The following ATRNL1 variants were observed in gnomAD, a reference collection of about 807,000 sequenced individuals.
ATRNL1 encodes attractin-like protein 1.
In ATRNL1, 95 loss-of-function variants were observed where a neutral mutation model predicts 182.7. That is an observed-to-expected ratio of 0.52 (90% confidence interval 0.44 to 0.62). The LOEUF is 0.62. Ranked by LOEUF, ATRNL1 falls within the 20% of genes least tolerant of loss-of-function variation. ATRNL1 has a pLI of 0.00. For missense variants in ATRNL1, 1,471 were observed against 1,679.5 expected (o/e 0.88, Z 2.17); for synonymous variants, 576 against 568.3 (o/e 1.01, Z -0.19).
At chr10:115,626,797 GTTGA>G (rs1330552996) in intron 26 of ATRNL1, among the ~76,000 whole-genome samples, 2 of 152,060 alleles carry the variant, frequency 1.3e-5, no homozygotes, top group Non-Finnish European at 2.9e-5. Context: ...TTGTATTATT[GTTGA>G]TTTACATATG....
At chr10:115,096,159 T>C (rs1416966046) in intron 1 of ATRNL1, among the ~76,000 whole-genome samples, 1 of 152,218 alleles carries the variant, frequency 6.6e-6, no homozygotes, top group East Asian at 1.9e-4. Context: ...CCTGAGCTAA[T>C]CACTGAGTAT....
chr10:115,378,194 C>G (rs1415374129), intron 19 of ATRNL1, among the ~76,000 whole-genome samples: 2 of 152,170 alleles, frequency 1.3e-5, no homozygotes, highest in Admixed American at 6.5e-5. Flanking sequence ...TACACCTGCT[C>G]TCAGATTGTA....
intron 28 of ATRNL1, among the ~76,000 whole-genome samples, chr10:115,933,062 T>C (rs1555122035): frequency 2.6e-5 from 4 of 152,236 alleles, no homozygotes; most frequent in Admixed American, 2.6e-4. Context: ...AGAACTCATA[T>C]GAAAGGTGAA....
chr10:115,656,904 CCTT>C (rs1435311166), intron 26 of ATRNL1, among the ~76,000 whole-genome samples: 1 of 152,100 alleles, frequency 6.6e-6, no homozygotes, highest in African/African-American at 2.4e-5. Context: ...TTTAATTACT[CCTT>C]CTTAAATATA....
At chr10:115,738,367 C>A (rs1219010042) in intron 27 of ATRNL1, among the ~76,000 whole-genome samples, 1 of 151,480 alleles carries the variant, frequency 6.6e-6, no homozygotes, top group Non-Finnish European at 1.5e-5. Flanking sequence ...CTTGAACTCC[C>A]GACCTCAGGT....
At chr10:115,369,747 G>A (rs572552170) in intron 19 of ATRNL1, among the ~76,000 whole-genome samples, 3 of 152,080 alleles carry the variant, frequency 2.0e-5, no homozygotes, top group Non-Finnish European at 4.4e-5. Context: ...GTTATCTTTT[G>A]TCTTCCTGAT....
intron 26 of ATRNL1, among the ~76,000 whole-genome samples, chr10:115,722,261 G>GA (rs35923782): frequency 3.4e-4 from 51 of 149,862 alleles, no homozygotes; most frequent in African/African-American, 1.1e-3. Flanking sequence ...TAAAAGCCTA[G>GA]AAAAAAAAAT....
intron 26 of ATRNL1, among the ~76,000 whole-genome samples, chr10:115,670,504 A>G (rs1555041051): frequency 6.6e-6 from 1 of 152,134 alleles, no homozygotes; most frequent in Non-Finnish European, 1.5e-5. Context: ...TGGGACTTTA[A>G]TAATAACTTG....
intron 26 of ATRNL1, among the ~76,000 whole-genome samples, chr10:115,654,938 G>A (rs1860241860): frequency 6.6e-6 from 1 of 152,142 alleles, no homozygotes; most frequent in African/African-American, 2.4e-5. Context: ...GTCTCTTAGA[G>A]CACTTGCTCT....
At chr10:115,762,575 T>C (rs1237964012) in intron 27 of ATRNL1, among the ~76,000 whole-genome samples, 2 of 152,134 alleles carry the variant, frequency 1.3e-5, no homozygotes, top group Non-Finnish European at 2.9e-5. Context: ...AACTGAAATC[T>C]GCCATGTAAT....
chr10:115,707,601 A>C (rs1376781225), intron 26 of ATRNL1, among the ~76,000 whole-genome samples: 2 of 151,658 alleles, frequency 1.3e-5, no homozygotes, highest in Non-Finnish European at 3.0e-5. Context: ...GCATTTACCT[A>C]TACATATATA....
intron 25 of ATRNL1, among the ~76,000 whole-genome samples, chr10:115,541,373 A>C (rs1852350939): frequency 6.6e-6 from 1 of 152,200 alleles, no homozygotes; most frequent in South Asian, 2.1e-4. Context: ...TTATATACCT[A>C]CTACAGTGGA....
At chr10:115,892,601 A>G (rs1952106976) in intron 28 of ATRNL1, among the ~76,000 whole-genome samples, 1 of 152,200 alleles carries the variant, frequency 6.6e-6, no homozygotes, top group Non-Finnish European at 1.5e-5. Flanking sequence ...ATATAATTTA[A>G]ACTCTACTGT....
intron 26 of ATRNL1, among the ~76,000 whole-genome samples, chr10:115,641,758 T>A (rs1412960974): frequency 6.6e-6 from 1 of 152,044 alleles, no homozygotes; most frequent in Non-Finnish European, 1.5e-5. Context: ...AGATAAGAAA[T>A]GTATTTATTA....
chr10:115,629,234 T>C (rs1462679253), intron 26 of ATRNL1, among the ~76,000 whole-genome samples: 1 of 152,178 alleles, frequency 6.6e-6, no homozygotes, highest in African/African-American at 2.4e-5. Flanking sequence ...TATGATACTG[T>C]CTTTACTCTC....
chr10:115,123,851 C>T (rs914770170), intron 3 of ATRNL1, among the ~76,000 whole-genome samples: 1 of 151,860 alleles, frequency 6.6e-6, no homozygotes, highest in Non-Finnish European at 1.5e-5. Context: ...AGTACAGACC[C>T]TACTGTGAAC....
intron 21 of ATRNL1, among the ~76,000 whole-genome samples, chr10:115,436,017 G>T (rs672703): frequency 2.6e-5 from 4 of 152,066 alleles, no homozygotes; most frequent in African/African-American, 9.7e-5. Context: ...CATTTTTATT[G>T]TTGGGGTACT....
intron 7 of ATRNL1, 77 bp downstream of exon 7, chr10:115,165,722 C>A: frequency 4.3e-6 from 3 of 701,800 alleles, no homozygotes; most frequent in Non-Finnish European, 6.8e-6. Flanking sequence ...TACTAAATCT[C>A]AGATTTATTT....
chr10:115,635,029 C>A (rs547853980), intron 26 of ATRNL1, among the ~76,000 whole-genome samples: 2 of 152,104 alleles, frequency 1.3e-5, no homozygotes, highest in South Asian at 4.2e-4. Context: ...TGTTATAAAT[C>A]TAAATGTGAA....
Sources: allele counts gnomAD v4.1 joint callset (sites outside exome capture counted in the v4.1 genomes callset), GRCh38; gene constraint gnomAD v4.1.1; transcripts MANE v1.5; gene names NCBI Gene and HGNC (gene_info 2026-07-23, HGNC 2026-07-21).